The following RAB38 variants were observed in gnomAD, a reference collection of about 807,000 sequenced individuals.
RAB38 encodes RAB38, member RAS oncogene family.
Under a neutral mutation model 18.4 loss-of-function variants are expected in RAB38, and 15 were observed. That is an observed-to-expected ratio of 0.82 (90% CI 0.55 to 1.26). The LOEUF (loss-of-function observed/expected upper bound fraction) is 1.26, where lower values mean the gene tolerates loss of function less well. RAB38 is among the 50% of genes most tolerant of loss of function. RAB38 has a pLI of 0.00. For synonymous variants in RAB38, 101 were observed against 104.4 expected (o/e 0.97, Z 0.20); for missense variants, 294 against 267.4 (o/e 1.10, Z -0.69).
chr11:88,141,406 TC>T (rs1314094718), intron 2 of RAB38, among the ~76,000 whole-genome samples: 17 of 152,268 alleles, frequency 1.1e-4, no homozygotes, highest in African/African-American at 3.8e-4. Context: ...TCCCTCCCAA[TC>T]CCAGCTAAGA....
the RAB38 span, among the ~76,000 whole-genome samples, chr11:88,021,376 G>C: frequency 1.3e-5 from 2 of 152,084 alleles, no homozygotes; most frequent in East Asian, 3.9e-4. Context: ...AGCCTACCAA[G>C]ATTGAACCAT....
At chr11:88,074,667 AAAAC>A in the RAB38 span, among the ~76,000 whole-genome samples, 63 of 152,330 alleles carry the variant, frequency 4.1e-4, no homozygotes, top group Non-Finnish European at 8.5e-4. Flanking sequence ...AAACAATGAG[AAAAC>A]AAACAACGAA....
the RAB38 span, among the ~76,000 whole-genome samples, chr11:88,072,699 C>T: frequency 1.3e-5 from 2 of 152,032 alleles, no homozygotes; most frequent in Admixed American, 1.3e-4. Context: ...ATATTTATGA[C>T]TGAGCGAAAG....
the RAB38 span, among the ~76,000 whole-genome samples, chr11:87,976,225 CTATA>C: frequency 2.9e-5 from 4 of 139,760 alleles, no homozygotes; most frequent in South Asian, 8.9e-4. Flanking sequence ...ATGTATATAC[CTATA>C]TATATATACA....
chr11:88,125,449 C>A (rs1436242087), intron 2 of RAB38, among the ~76,000 whole-genome samples: 1 of 152,162 alleles, frequency 6.6e-6, no homozygotes, highest in African/African-American at 2.4e-5. Flanking sequence ...TGACATTCTC[C>A]TTTGAATTTT....
chr11:87,873,928 A>G, the RAB38 span, among the ~76,000 whole-genome samples: 12,072 of 134,934 alleles, frequency 0.089, 698 homozygotes, highest in African/African-American at 0.12. Context: ...GTGTGTATAT[A>G]TATATATATA....
At chr11:87,960,889 A>C in the RAB38 span, among the ~76,000 whole-genome samples, 1 of 152,158 alleles carries the variant, frequency 6.6e-6, no homozygotes, top group African/African-American at 2.4e-5. Flanking sequence ...ACACATTGTA[A>C]AAACTAAAGA....
the RAB38 span, among the ~76,000 whole-genome samples, chr11:87,881,207 A>T: frequency 6.6e-6 from 1 of 151,842 alleles, no homozygotes; most frequent in Non-Finnish European, 1.5e-5. Flanking sequence ...GAAGATACTA[A>T]AGAGAATGGA....
chr11:87,944,422 T>C, the RAB38 span, among the ~76,000 whole-genome samples: 3 of 152,132 alleles, frequency 2.0e-5, no homozygotes, highest in African/African-American at 7.2e-5. Flanking sequence ...TCTGTGGTCA[T>C]TGTCTCTTGT....
At chr11:88,162,015 G>GA (rs1221602557) in intron 1 of RAB38, among the ~76,000 whole-genome samples, 4 of 151,848 alleles carry the variant, frequency 2.6e-5, no homozygotes, top group Admixed American at 6.6e-5. Flanking sequence ...TAATCTAGAA[G>GA]AAAAAAATCA....
At chr11:87,835,201 G>A in the RAB38 span, among the ~76,000 whole-genome samples, 28 of 152,300 alleles carry the variant, frequency 1.8e-4, no homozygotes, top group Non-Finnish European at 3.8e-4. Context: ...CTAAGTAAAT[G>A]AGCAGAAACC....
chr11:88,077,045 A>C, the RAB38 span, among the ~76,000 whole-genome samples: 55,838 of 141,680 alleles, frequency 0.39, 12,271 homozygotes, highest in South Asian at 0.48. Flanking sequence ...AGCAAGCAAG[A>C]AAAGAAAAAG....
the RAB38 span, among the ~76,000 whole-genome samples, chr11:87,876,701 A>G: frequency 6.6e-6 from 1 of 151,436 alleles, no homozygotes; most frequent in Non-Finnish European, 1.5e-5. Context: ...ATTTTTTCTT[A>G]GAAGTCACTC....
At chr11:87,923,596 CTTT>C in the RAB38 span, among the ~76,000 whole-genome samples, 1 of 150,758 alleles carries the variant, frequency 6.6e-6, no homozygotes, top group African/African-American at 2.4e-5. Context: ...TGTGTGGCAG[CTTT>C]TTGACAATCT....
chr11:88,088,363 T>C, the RAB38 span, among the ~76,000 whole-genome samples: 2 of 152,072 alleles, frequency 1.3e-5, no homozygotes, highest in South Asian at 4.1e-4. Flanking sequence ...TAAGAAACAG[T>C]TTAACTCTGG....
the RAB38 span, among the ~76,000 whole-genome samples, chr11:87,931,301 G>A: frequency 1.3e-5 from 2 of 152,108 alleles, no homozygotes; most frequent in African/African-American, 2.4e-5. Context: ...ATAGATGCAA[G>A]TTGGTTTGGG....
the RAB38 span, among the ~76,000 whole-genome samples, chr11:87,834,035 A>C: frequency 1.3e-5 from 2 of 152,234 alleles, no homozygotes; most frequent in African/African-American, 4.8e-5. Flanking sequence ...TAAGAGATGC[A>C]AGGGAAAAGG....
the RAB38 span, among the ~76,000 whole-genome samples, chr11:87,949,782 C>T: frequency 3.0e-4 from 45 of 152,268 alleles, no homozygotes; most frequent in Admixed American, 2.2e-3. Flanking sequence ...TGTTCTTTTA[C>T]ATTTGCTAAG....
chr11:87,860,513 T>C, the RAB38 span, among the ~76,000 whole-genome samples: 16 of 152,098 alleles, frequency 1.1e-4, no homozygotes, highest in African/African-American at 3.6e-4. Flanking sequence ...AAGTGAGATA[T>C]TTACTTTCAT....
Sources: allele counts gnomAD v4.1 joint callset (sites outside exome capture counted in the v4.1 genomes callset), GRCh38; gene constraint gnomAD v4.1.1; transcripts MANE v1.5; gene names NCBI Gene and HGNC (gene_info 2026-07-23, HGNC 2026-07-21).